The following WNK2 variants were observed in gnomAD, a reference collection of about 807,000 sequenced individuals.
WNK2 encodes WNK lysine deficient protein kinase 2, also known as serine/threonine-protein kinase WNK2.
Under a neutral mutation model 192.1 loss-of-function variants are expected in WNK2, and 67 were observed. The ratio of observed to expected loss-of-function variants is 0.35; its 90% CI spans 0.29 to 0.43. The LOEUF (loss-of-function observed/expected upper bound fraction) is 0.43. WNK2 is among the 20% of genes least tolerant of loss of function. WNK2 has a pLI of 1.00. For synonymous variants in WNK2, 1,439 were observed against 1,393.9 expected (o/e 1.03, Z -0.72); for missense variants, 2,698 against 3,089.7 (o/e 0.87, Z 3.01).
chr9:93,296,124 CT>C (rs1313291213), intron 23 of WNK2, among the ~76,000 whole-genome samples: 16 of 67,262 alleles, frequency 2.4e-4, no homozygotes, highest in Non-Finnish European at 3.9e-4. Flanking sequence ...CCTTCCTCCC[CT>C]CTCCATTGTC....
chr9:93,186,788 A>G (rs903540819), intron 2 of WNK2, among the ~76,000 whole-genome samples: 3 of 152,234 alleles, frequency 2.0e-5, no homozygotes, highest in African/African-American at 7.2e-5. Context: ...AAAGAGCTCC[A>G]GAGACCTGCC....
At chr9:93,191,738 G>A (rs1041104042) in intron 2 of WNK2, among the ~76,000 whole-genome samples, 4 of 152,080 alleles carry the variant, frequency 2.6e-5, no homozygotes, top group Admixed American at 1.3e-4. Flanking sequence ...GGTAGAGAAG[G>A]TAGGAATCGT....
chr9:93,234,518 C>G (rs865939627), intron 4 of WNK2, among the ~76,000 whole-genome samples: 89 of 152,332 alleles, frequency 5.8e-4, no homozygotes, highest in African/African-American at 1.9e-3. Context: ...GGACCCCGTC[C>G]CCTGGGAAGT....
At chr9:93,286,488 T>A (rs10821105) in intron 19 of WNK2, among the ~76,000 whole-genome samples, 45,769 of 152,082 alleles carry the variant, frequency 0.3, 7,084 homozygotes, top group South Asian at 0.53. Context: ...CCTGTTAAGA[T>A]CACTGCTCTC....
chr9:93,240,822 T>C (rs933018597), intron 7 of WNK2, among the ~76,000 whole-genome samples: 2 of 152,216 alleles, frequency 1.3e-5, no homozygotes, highest in Non-Finnish European at 2.9e-5. Flanking sequence ...CCACATGTGC[T>C]ATTAAAATAT....
chr9:93,192,569 C>T (rs1830529875), intron 2 of WNK2, among the ~76,000 whole-genome samples: 1 of 151,280 alleles, frequency 6.6e-6, no homozygotes, highest in South Asian at 2.1e-4. Context: ...AGGGATGGGC[C>T]AGGACTGTGT....
At chr9:93,318,100 C>T (rs771568082) in intron 29 of WNK2, 4 of 1,585,110 alleles carry the variant, frequency 2.5e-6, no homozygotes, top group Admixed American at 3.4e-5. Context: ...CTTGTCGTCA[C>T]CCTGCAGAAG....
chr9:93,256,657 G>C (rs764514887), intron 10 of WNK2: 1 of 692,434 alleles, frequency 1.4e-6, no homozygotes, highest in East Asian at 2.9e-5. Flanking sequence ...GTGTGTGTTT[G>C]TGTGCGTGCA....
intron 19 of WNK2, among the ~76,000 whole-genome samples, chr9:93,270,750 G>C (rs765046775): frequency 6.6e-6 from 1 of 152,114 alleles, no homozygotes; most frequent in Admixed American, 6.5e-5. Context: ...GCACCAGCAC[G>C]CCGACAGTTC....
At position 93,259,565 on chromosome 9, in the gene WNK2, A is replaced by G; in HGVS notation, c.3017A>G (p.Gln1006Arg). 6.3e-7 allele frequency: 1 copy of G among 1,586,682 alleles called. No homozygotes were observed. Among genetic ancestry groups the G allele is most frequent in the Non-Finnish European group, 8.5e-7 (1 of 1,174,910 alleles). ...PALPVRPEPL[Q>R]PHLPEQAAPA... is the part of the protein sequence containing the mutation. Reference sequence around the variant, plus strand: ...CTGCCTGTGCGCCCTGAGCCCCTCCAGCCCCACCTTCCTGAACAAGCTGCT... The same window carrying G: ...CTGCCTGTGCGCCCTGAGCCCCTCCGGCCCCACCTTCCTGAACAAGCTGCT... The change falls in exon 12 of 30, where the codon CAG (glutamine) becomes CGG (arginine). Residue 1006 changes from glutamine to arginine, a missense_variant. Gln to Arg is a conservative substitution (Grantham distance 43). This residue lies in a region of WNK2 where 893 missense variants were observed against 909.0 expected (regional missense o/e 0.98). Transcript: ENST00000427277. This position sits in a 1 kb window ranked among gnomAD's most constrained non-coding sequence, Gnocchi z 4.8.
intron 26 of WNK2, 25 bp from the exon 27 acceptor site, chr9:93,306,752 T>G: frequency 6.2e-7 from 1 of 1,614,068 alleles, no homozygotes. Flanking sequence ...CCTGTGGTCT[T>G]GTGTCGTTTC....
intron 23 of WNK2, among the ~76,000 whole-genome samples, chr9:93,294,944 T>C (rs558346283): frequency 6.6e-6 from 1 of 152,142 alleles, no homozygotes; most frequent in Non-Finnish European, 1.5e-5. Flanking sequence ...TGAGGTGACT[T>C]GGCATCTGAT....
intron 2 of WNK2, among the ~76,000 whole-genome samples, chr9:93,196,246 C>T (rs1291392228): frequency 3.3e-5 from 5 of 152,150 alleles, no homozygotes; most frequent in African/African-American, 4.8e-5. Context: ...ATCCGCCCCT[C>T]ACCCCTGCTT....
At chr9:93,301,707 T>G (rs1157527580) in intron 26 of WNK2, among the ~76,000 whole-genome samples, 1 of 152,158 alleles carries the variant, frequency 6.6e-6, no homozygotes, top group African/African-American at 2.4e-5. Context: ...CTCCTGCATG[T>G]GCGGCTCGAT....
At chr9:93,196,358 A>G (rs534551475) in intron 2 of WNK2, among the ~76,000 whole-genome samples, 1 of 152,246 alleles carries the variant, frequency 6.6e-6, no homozygotes, top group South Asian at 2.1e-4. Context: ...CCTACTCAGA[A>G]TCTGGAATCT....
chr9:93,302,557 T>G (rs1276671561), intron 26 of WNK2, among the ~76,000 whole-genome samples: 1 of 152,024 alleles, frequency 6.6e-6, no homozygotes, highest in East Asian at 1.9e-4. Context: ...TGTGTTAAAT[T>G]TTGAAATATA....
intron 26 of WNK2, among the ~76,000 whole-genome samples, chr9:93,303,835 A>G (rs1264060314): frequency 6.6e-6 from 1 of 152,244 alleles, no homozygotes; most frequent in Non-Finnish European, 1.5e-5. Context: ...TTTTGGCTCA[A>G]GAACATGGTT....
intron 2 of WNK2, among the ~76,000 whole-genome samples, chr9:93,191,111 C>A (rs1830260133): frequency 1.3e-5 from 2 of 151,938 alleles, no homozygotes; most frequent in South Asian, 4.1e-4. Flanking sequence ...CTCTGGGAAG[C>A]AAGTGGCCAC....
chr9:93,197,473 C>T (rs1290207173), intron 2 of WNK2, among the ~76,000 whole-genome samples: 1 of 152,200 alleles, frequency 6.6e-6, no homozygotes, highest in African/African-American at 2.4e-5. Context: ...TCAGCATTGT[C>T]TTCTGAAGGT....
Sources: allele counts gnomAD v4.1 joint callset (sites outside exome capture counted in the v4.1 genomes callset), GRCh38; gene constraint gnomAD v4.1.1; regional missense constraint gnomAD v4.1.1; non-coding constraint Gnocchi (gnomAD v3.1); transcripts MANE v1.5; gene names NCBI Gene and HGNC (gene_info 2026-07-23, HGNC 2026-07-21).